Variants in KIAA2012 observed in about 807,000 individuals in gnomAD.
KIAA2012 encodes uncharacterized protein KIAA2012.
KIAA2012 carries 125 observed loss-of-function variants against 150.6 expected under a neutral mutation model. The ratio of observed to expected loss-of-function variants is 0.83; its 90% confidence interval spans 0.72 to 0.96. KIAA2012 has a LOEUF of 0.96. KIAA2012 is among the 40% of genes least tolerant of loss of function. The pLI, the probability that KIAA2012 is intolerant of heterozygous loss-of-function variation, is 0.00. For synonymous variants in KIAA2012, 462 were observed against 504.7 expected, an observed-to-expected ratio of 0.92 and a Z score of 1.13; for missense variants, 1,219 against 1,354.9, an observed-to-expected ratio of 0.90 and a Z score of 1.57.
intron 21 of KIAA2012, among the ~76,000 whole-genome samples, chr2:202,196,287 C>T (rs1382728277): frequency 1.3e-5 from 2 of 150,468 alleles, no homozygotes; most frequent in Non-Finnish European, 1.5e-5. Flanking sequence ...CTCCGCCTCC[C>T]AGGTTCACGC....
At chr2:202,084,907 C>T (rs760679377) in intron 2 of KIAA2012, among the ~76,000 whole-genome samples, 2 of 152,156 alleles carry the variant, frequency 1.3e-5, no homozygotes, top group Non-Finnish European at 2.9e-5. Context: ...CCATTATTAG[C>T]TTTTTCATCT....
At chr2:202,157,115 G>T (rs559607662) in intron 14 of KIAA2012, among the ~76,000 whole-genome samples, 1 of 152,050 alleles carries the variant, frequency 6.6e-6, no homozygotes, top group South Asian at 2.1e-4. Flanking sequence ...AAGGACTCAC[G>T]AAGTACACGC....
intron 12 of KIAA2012, among the ~76,000 whole-genome samples, chr2:202,129,378 C>A (rs972201522): frequency 1.3e-5 from 2 of 152,002 alleles, no homozygotes; most frequent in Non-Finnish European, 2.9e-5. Flanking sequence ...CGCCACCGCA[C>A]CCGGCTAATT....
chr2:202,184,946 T>C, intron 16 of KIAA2012, 103 bp downstream of exon 16: 1 of 841,266 alleles, frequency 1.2e-6, no homozygotes, highest in Non-Finnish European at 1.8e-6. Flanking sequence ...ATGGGAGTTC[T>C]CAGCTGACAG....
intron 19 of KIAA2012, 54 bp downstream of exon 19, chr2:202,190,547 G>A (rs1692311331): frequency 1.3e-5 from 17 of 1,340,656 alleles, no homozygotes; most frequent in Admixed American, 2.9e-5. Flanking sequence ...CACTTGGCGC[G>A]ACTGCAAAGA....
At chr2:202,177,702 A>T (rs951958927) in intron 15 of KIAA2012, among the ~76,000 whole-genome samples, 2 of 152,168 alleles carry the variant, frequency 1.3e-5, no homozygotes, top group Non-Finnish European at 2.9e-5. Context: ...CCCTTTTTAT[A>T]GCAGCATTAA....
At chr2:202,133,982 A>ATT (rs535289269) in intron 12 of KIAA2012, among the ~76,000 whole-genome samples, 42 of 148,526 alleles carry the variant, frequency 2.8e-4, no homozygotes, top group African/African-American at 1.0e-3. Context: ...ACTGGGGAGA[A>ATT]TTTTTTTTTT....
chr2:202,139,052 C>T (rs368007913), intron 13 of KIAA2012, among the ~76,000 whole-genome samples: 12 of 152,010 alleles, frequency 7.9e-5, no homozygotes, highest in Non-Finnish European at 1.0e-4. Flanking sequence ...GCCTGGCCAA[C>T]GTGGTGAAAC....
chr2:202,100,269 G>T (rs1690007581), intron 6 of KIAA2012, 38 bp from the exon 7 acceptor site: 1 of 1,534,718 alleles, frequency 6.5e-7, no homozygotes, highest in Admixed American at 2.0e-5. Context: ...CCCCCTACCT[G>T]CAATTAATAT....
intron 13 of KIAA2012, among the ~76,000 whole-genome samples, chr2:202,142,594 A>T (rs914850089): frequency 6.6e-6 from 1 of 152,216 alleles, no homozygotes; most frequent in Admixed American, 6.5e-5. Context: ...TCTGGTTCAC[A>T]AGTAGGAAGG....
intron 15 of KIAA2012, among the ~76,000 whole-genome samples, chr2:202,173,205 T>C (rs1368041897): frequency 2.0e-5 from 3 of 152,198 alleles, no homozygotes; most frequent in Non-Finnish European, 4.4e-5. Context: ...GAAAAGCTCA[T>C]TTCTAACAAG....
chr2:202,126,972 A>G (rs1011344906), intron 12 of KIAA2012, among the ~76,000 whole-genome samples: 3 of 152,164 alleles, frequency 2.0e-5, no homozygotes, highest in Non-Finnish European at 2.9e-5. Context: ...CTTAGTAATG[A>G]CATATGCAAA....
chr2:202,096,180 AG>A (rs944162302), intron 4 of KIAA2012, among the ~76,000 whole-genome samples: 3 of 152,180 alleles, frequency 2.0e-5, no homozygotes, highest in African/African-American at 7.2e-5. Flanking sequence ...TGACCAGAAA[AG>A]ATGGACCTAG....
chr2:202,074,994 C>G lies in KIAA2012; in HGVS notation c.188C>G (p.Thr63Ser). Residue 63 changes from threonine (T) to serine (S), a missense_variant, in exon 2 of 24, where the codon ACT (threonine) becomes AGT (serine). By Grantham distance (58) the Thr-to-Ser change is moderately conservative (BLOSUM62 1). Transcript: ENST00000498697. ...TCCTGGAGCCTCTTTCTCCCTAAAA[C>G]TTTCAGTACTAGAAAGGGTGCCCTG... ...QHSWSLFLPK[T>S]FSTRKGALIL... 6.4e-7 allele frequency: 1 copy of G among 1,550,766 alleles called. No homozygotes were observed.
intron 10 of KIAA2012, among the ~76,000 whole-genome samples, chr2:202,110,965 C>A (rs939134659): frequency 6.6e-6 from 1 of 152,176 alleles, no homozygotes; most frequent in East Asian, 1.9e-4. Context: ...TCCCTAGAGA[C>A]GTTGTTTTCA....
At chr2:202,125,061 C>T (rs1690746731) in intron 11 of KIAA2012, among the ~76,000 whole-genome samples, 153 bp from the exon 12 acceptor site, 1 of 152,178 alleles carries the variant, frequency 6.6e-6, no homozygotes, top group Non-Finnish European at 1.5e-5. Context: ...CAGAAAGAGA[C>T]TCCATCTCAA....
intron 4 of KIAA2012, among the ~76,000 whole-genome samples, chr2:202,094,143 C>T (rs1004261272): frequency 2.6e-5 from 4 of 152,152 alleles, no homozygotes; most frequent in African/African-American, 4.8e-5. Context: ...TTTAGCTGGG[C>T]GTGGTGGCAC....
At chr2:202,150,310 T>A (rs1473205413) in intron 13 of KIAA2012, among the ~76,000 whole-genome samples, 1 of 152,216 alleles carries the variant, frequency 6.6e-6, no homozygotes, top group Non-Finnish European at 1.5e-5. Flanking sequence ...TAGCAGAACA[T>A]AAAAATATTA....
At chr2:202,107,549 G>A (rs917383913) in intron 9 of KIAA2012, among the ~76,000 whole-genome samples, 6 of 152,224 alleles carry the variant, frequency 3.9e-5, no homozygotes, top group African/African-American at 1.4e-4. Flanking sequence ...TGTTCATTTT[G>A]CACTGCCCTA....
Sources: allele counts gnomAD v4.1 joint callset (sites outside exome capture counted in the v4.1 genomes callset), GRCh38; gene constraint gnomAD v4.1.1; transcripts MANE v1.5; gene names NCBI Gene and HGNC (gene_info 2026-07-23, HGNC 2026-07-21).